The following OSBPL1A variants were observed in gnomAD, a reference collection of about 807,000 sequenced individuals.
The protein encoded by OSBPL1A is oxysterol-binding protein-related protein 1.
OSBPL1A carries 80 observed loss-of-function variants against 137.1 expected under a neutral mutation model. That is an observed-to-expected ratio of 0.58 (90% CI 0.49 to 0.70). The LOEUF is 0.70. OSBPL1A is among the 30% of genes least tolerant of loss of function. The pLI, the probability that OSBPL1A is intolerant of heterozygous loss-of-function variation, is 0.00. For missense variants in OSBPL1A, 970 were observed against 1,129.4 expected (o/e 0.86, Z 2.02); for synonymous variants, 365 against 389.7 (o/e 0.94, Z 0.75).
intron 5 of OSBPL1A, among the ~76,000 whole-genome samples, chr18:24,334,929 G>A (rs1053528871): frequency 1.2e-4 from 19 of 152,190 alleles, no homozygotes; most frequent in East Asian, 3.9e-4. Flanking sequence ...TCATCCTCTC[G>A]CCCAGGCTGG....
At chr18:24,365,025 C>CAAAAAAAAAAAAA (rs56400717) in intron 4 of OSBPL1A, among the ~76,000 whole-genome samples, 39 of 89,580 alleles carry the variant, frequency 4.4e-4, no homozygotes, top group East Asian at 1.1e-3. Flanking sequence ...AAAACAACAA[C>CAAAAAAAAAAAAA]AAAAAAAAAA....
chr18:24,192,227 G>A (rs115654913), intron 18 of OSBPL1A, among the ~76,000 whole-genome samples: 404 of 152,214 alleles, frequency 2.7e-3, no homozygotes, highest in African/African-American at 8.8e-3. Flanking sequence ...GAACACCAAC[G>A]ACCTAACCTC....
At chr18:24,358,664 T>C (rs1426864481) in intron 4 of OSBPL1A, among the ~76,000 whole-genome samples, 1 of 152,224 alleles carries the variant, frequency 6.6e-6, no homozygotes, top group East Asian at 1.9e-4. Flanking sequence ...AAGCCCAGGA[T>C]TATACATATA....
At chr18:24,381,579 C>T (rs1265868256) in intron 1 of OSBPL1A, among the ~76,000 whole-genome samples, 1 of 152,066 alleles carries the variant, frequency 6.6e-6, no homozygotes, top group Non-Finnish European at 1.5e-5. Context: ...ATATTAATCC[C>T]CTCTGCATTC....
intron 15 of OSBPL1A, chr18:24,272,147 G>C (rs957548019): frequency 1.4e-5 from 14 of 983,942 alleles, no homozygotes; most frequent in Non-Finnish European, 1.7e-5. Flanking sequence ...CTGCTCCTTG[G>C]GCTCTACGTG....
rs201204401 is a variant in OSBPL1A at position 24,196,126 on chromosome 18, A to T, written c.1676T>A (p.Met559Lys). ...CATATGACAAAACCATTAATTTACC[A>T]TTCCAATACATTTTCTGAGGATGCT... ...IWSILRKCIGMELSKITMPVI... is the reference protein window; with the variant it reads ...IWSILRKCIGKELSKITMPVI... The change falls in exon 18 of 28, where the codon ATG becomes AAG. Residue 559 changes from methionine to lysine, a missense_variant and splice_region_variant. Coordinates refer to ENST00000319481, the MANE Select transcript of OSBPL1A (RefSeq NM_080597.4). 120 of 1,605,742 alleles carry T rather than the reference A, an allele frequency of 7.5e-5. No homozygotes were observed. The highest frequency in any genetic ancestry group is 1.2e-4 in the Admixed American group (7 of 59,904).
At position 24,315,042 on chromosome 18, in the gene OSBPL1A, C is replaced by T. The variant is rs187846723; in HGVS notation, c.871-695G>A. On this transcript the variant is annotated intron_variant, in intron 11 of 27. Coordinates refer to ENST00000319481, the MANE Select transcript of OSBPL1A (RefSeq NM_080597.4). ...TGTTGCAGAAAACAACTATAAAACC[C>T]GGATACGAAAGAAAAGGCAACCACA... Among the ~76,000 whole-genome samples the T allele has an allele frequency of 8.5e-5, 13 of 152,232 alleles. 1 individual carries two copies. Among genetic ancestry groups the T allele is most frequent in the East Asian group, 5.8e-4 (3 of 5,184 alleles).
intron 7 of OSBPL1A, among the ~76,000 whole-genome samples, chr18:24,320,952 C>T (rs1295399194): frequency 2.0e-5 from 3 of 149,734 alleles, no homozygotes; most frequent in African/African-American, 7.4e-5. Flanking sequence ...TCACTTGAAC[C>T]TGAGAGGCGG....
At chr18:24,315,978 G>A (rs548951452) in intron 11 of OSBPL1A, among the ~76,000 whole-genome samples, 8 of 144,932 alleles carry the variant, frequency 5.5e-5, no homozygotes, top group African/African-American at 1.8e-4. Flanking sequence ...CCTGACATAC[G>A]GGCTGGGTGC....
intron 15 of OSBPL1A, among the ~76,000 whole-genome samples, chr18:24,269,206 G>A (rs192966290): frequency 1.7e-3 from 262 of 152,224 alleles, no homozygotes; most frequent in Non-Finnish European, 2.8e-3. Context: ...CTTCTCATAA[G>A]GAGCAAATCT....
At chr18:24,193,075 G>C (rs557368673) in intron 18 of OSBPL1A, among the ~76,000 whole-genome samples, 6 of 152,326 alleles carry the variant, frequency 3.9e-5, no homozygotes, top group African/African-American at 1.4e-4. Context: ...AAGAAGCTGG[G>C]TAAATGGAGG....
chr18:24,307,509 C>T (rs2090525694), intron 13 of OSBPL1A, among the ~76,000 whole-genome samples: 1 of 152,194 alleles, frequency 6.6e-6, no homozygotes, highest in Non-Finnish European at 1.5e-5. Context: ...GCTTTCTCAG[C>T]TGCAGAGCAA....
At chr18:24,197,714 G>A (rs2087075414) in intron 17 of OSBPL1A, among the ~76,000 whole-genome samples, 1 of 151,416 alleles carries the variant, frequency 6.6e-6, no homozygotes, top group South Asian at 2.1e-4. Flanking sequence ...CATTATCTAT[G>A]CTTTGCATGT....
intron 15 of OSBPL1A, among the ~76,000 whole-genome samples, chr18:24,246,792 CAAAAA>C (rs56268385): frequency 1.2e-5 from 1 of 85,084 alleles, no homozygotes; most frequent in Non-Finnish European, 2.4e-5. Context: ...CTCTGTCTCC[CAAAAA>C]AAAAAAAAAA....
intron 2 of OSBPL1A, among the ~76,000 whole-genome samples, chr18:24,376,989 C>G (rs1347673124): frequency 6.6e-6 from 1 of 152,208 alleles, no homozygotes; most frequent in Non-Finnish European, 1.5e-5. Context: ...CCCTGCAAGC[C>G]GAGGGAGCCG....
At chr18:24,296,906 A>AT (rs2090302458) in intron 14 of OSBPL1A, among the ~76,000 whole-genome samples, 1 of 152,040 alleles carries the variant, frequency 6.6e-6, no homozygotes, top group Non-Finnish European at 1.5e-5. Flanking sequence ...ATTAGCTAGT[A>AT]TTTTTTTGAG....
intron 1 of OSBPL1A, among the ~76,000 whole-genome samples, chr18:24,393,462 ATTTTT>A (rs1168284329): frequency 6.6e-6 from 1 of 151,676 alleles, no homozygotes; most frequent in African/African-American, 2.4e-5. Context: ...TTTTATTTTT[ATTTTT>A]TTTGAGACGG....
intron 16 of OSBPL1A, among the ~76,000 whole-genome samples, chr18:24,231,784 T>A (rs564107031): frequency 3.9e-4 from 60 of 152,354 alleles, no homozygotes; most frequent in South Asian, 1.2e-3. Context: ...GAGAGAACTT[T>A]CCAAGAGTTG....
rs71163674 is a variant in OSBPL1A, at chr18:24,324,603, TAAAAAAAAAA to T, written c.626-5804_626-5795del. Among the ~76,000 whole-genome samples the T allele has an allele frequency of 6.2e-3, 35 of 5,654 alleles. 8 individuals are homozygous for T. Among genetic ancestry groups the T allele is most frequent in the African/African-American group, 0.032 (21 of 654 alleles). The allele number at this position is 5,654 out of a possible 152,430, so 3.7% of individuals were successfully genotyped here. On this transcript the variant is annotated intron_variant, in intron 7 of 27. Coordinates refer to ENST00000319481, the MANE Select transcript of OSBPL1A (RefSeq NM_080597.4). ...CCCAATAAAAACATGAATATGAATA[TAAAAAAAAAA>T]AAAAAAAAAAAAAAAAAAAAATTAG...
Sources: gnomAD v4.1 joint callset for allele counts (sites outside exome capture counted in the v4.1 genomes callset) on GRCh38, gnomAD v4.1.1 for gene constraint, MANE v1.5 for transcripts, NCBI Gene and HGNC (gene_info 2026-07-23, HGNC 2026-07-21) for gene names.